DGKH: variants seen among roughly 807,000 people sequenced by gnomAD.
DGKH encodes the protein diacylglycerol kinase eta.
Under a neutral mutation model 159.3 loss-of-function variants are expected in DGKH, and 90 were observed. The observed-to-expected ratio is 0.57, with a 90% confidence interval of 0.48 to 0.67. The LOEUF (loss-of-function observed/expected upper bound fraction) is 0.67, where lower values mean the gene tolerates loss of function less well. DGKH is among the 30% of genes least tolerant of loss of function. The probability of loss-of-function intolerance (pLI) is 0.00; values close to 1 mark genes in which losing one functional copy is unlikely to be tolerated. For missense variants in DGKH, 1,181 were observed against 1,506.1 expected (o/e 0.78, Z 3.57); for synonymous variants, 536 against 553.8 (o/e 0.97, Z 0.45).
intron 16 of DGKH, 37 bp downstream of exon 16, chr13:42,190,562 T>G: frequency 6.4e-7 from 1 of 1,553,558 alleles, no homozygotes; most frequent in Non-Finnish European, 8.7e-7. Context: ...TGGAATTAAA[T>G]AAAATGTCAT....
At chr13:42,210,895 C>T in intron 24 of DGKH, 130 bp downstream of exon 24, 2 of 745,214 alleles carry the variant, frequency 2.7e-6, no homozygotes, top group South Asian at 2.0e-5. Context: ...TCACACAGCA[C>T]TCTTTCCATT....
chr13:42,255,556 T>C (rs1958651376), intron 30 of DGKH, among the ~76,000 whole-genome samples: 1 of 152,152 alleles, frequency 6.6e-6, no homozygotes. Context: ...GCAGAAAAAT[T>C]TGGGCAATGT....
intron 1 of DGKH, among the ~76,000 whole-genome samples, chr13:42,110,183 G>A (rs939448393): frequency 2.0e-5 from 3 of 152,158 alleles, no homozygotes; most frequent in Non-Finnish European, 2.9e-5. Context: ...GTATGTGGTA[G>A]ATGTGAGATT....
At chr13:42,129,450 T>C (rs1307147281) in intron 2 of DGKH, 102 bp from the exon 3 acceptor site, 14 of 970,826 alleles carry the variant, frequency 1.4e-5, no homozygotes, top group African/African-American at 3.3e-5. Context: ...TTAACTTTTT[T>C]CCCCCATTTT....
intron 29 of DGKH, among the ~76,000 whole-genome samples, chr13:42,248,632 G>T (rs1271208146): frequency 1.4e-5 from 2 of 146,094 alleles, no homozygotes; most frequent in Admixed American, 6.9e-5. Flanking sequence ...TATATTATTT[G>T]TAATATATAA....
intron 30 of DGKH, among the ~76,000 whole-genome samples, chr13:42,253,144 A>T (rs1181642113): frequency 6.6e-6 from 1 of 152,206 alleles, no homozygotes; most frequent in Non-Finnish European, 1.5e-5. Flanking sequence ...CTTTATGCTG[A>T]GTGCTATAGT....
chr13:42,172,587 T>G lies in DGKH; in HGVS notation c.1368-1473T>G, dbSNP rs554294648. Among the ~76,000 whole-genome samples, 3 of 152,352 alleles carry G rather than the reference T, an allele frequency of 2.0e-5. No homozygotes were observed. The South Asian group carries it at 6.2e-4, about 32-fold the overall frequency. ...GGGATTTTCCTCTGGGTTCTATCAG[T>G]AGCTTCAGCTGTGTTATGCTTTTCT... is the stretch of plus-strand genomic sequence containing the variant. On this transcript the variant is annotated intron_variant, in intron 11 of 29. Coordinates refer to ENST00000337343, the MANE Select transcript of DGKH (RefSeq NM_178009.5).
chr13:42,144,330 T>C (rs1350815394), intron 3 of DGKH, among the ~76,000 whole-genome samples: 1 of 152,048 alleles, frequency 6.6e-6, no homozygotes, highest in Non-Finnish European at 1.5e-5. Flanking sequence ...CCAAGCCTGG[T>C]GAAGTCCTGA....
chr13:42,078,656 A>G (rs1051431586), intron 1 of DGKH, among the ~76,000 whole-genome samples: 1 of 152,100 alleles, frequency 6.6e-6, no homozygotes, highest in Admixed American at 6.5e-5. Context: ...AACAGATAAT[A>G]CCAAACTGAA....
At chr13:42,173,429 T>C (rs1446656739) in intron 11 of DGKH, among the ~76,000 whole-genome samples, 1 of 152,262 alleles carries the variant, frequency 6.6e-6, no homozygotes, top group Non-Finnish European at 1.5e-5. Context: ...TTAATACTTG[T>C]AGCTAATTGA....
At chr13:42,076,969 T>C (rs1334143521) in intron 1 of DGKH, among the ~76,000 whole-genome samples, 7 of 152,204 alleles carry the variant, frequency 4.6e-5, no homozygotes, top group Non-Finnish European at 8.8e-5. Flanking sequence ...AGTTCATAGC[T>C]GAGATTTTTA....
At chr13:42,095,414 C>T (rs1010094375) in intron 1 of DGKH, among the ~76,000 whole-genome samples, 2 of 152,128 alleles carry the variant, frequency 1.3e-5, no homozygotes, top group African/African-American at 2.4e-5. Context: ...CCCCCTGCCT[C>T]AGCCTCTCCA....
intron 3 of DGKH, among the ~76,000 whole-genome samples, chr13:42,149,938 A>T (rs1955833708): frequency 6.6e-6 from 1 of 152,184 alleles, no homozygotes; most frequent in South Asian, 2.1e-4. Flanking sequence ...AACTACATAG[A>T]ATTATGCTGC....
chr13:42,222,999 T>G (rs931872410), intron 29 of DGKH, among the ~76,000 whole-genome samples: 1 of 152,226 alleles, frequency 6.6e-6, no homozygotes, highest in Non-Finnish European at 1.5e-5. Flanking sequence ...GGGACTTTTT[T>G]GTTCTGTTTT....
At chr13:42,161,662 C>G (rs1205438692) in intron 7 of DGKH, among the ~76,000 whole-genome samples, 2 of 152,004 alleles carry the variant, frequency 1.3e-5, no homozygotes, top group Admixed American at 6.6e-5. Context: ...CGCCTGTAAT[C>G]CCAGCTACTC....
Position 42,159,264 on chromosome 13 carries a change from A to AAATTAAAG in DGKH, c.623-2_623-1insAATTAAAG. ...TTGCTCTTTTTTTTTTTTTTTTTTT[A>AAATTAAAG]GTGTGTAAATTCAAGGCTCACAAAA... On this transcript the variant is annotated splice_acceptor_variant, in intron 5 of 29. Coordinates refer to ENST00000337343, the MANE Select transcript of DGKH (RefSeq NM_178009.5). LOFTEE classifies it high-confidence loss of function. 2.0e-5 allele frequency: 2 copies of AAATTAAAG among 99,098 alleles called. No homozygotes were observed. The highest frequency in any genetic ancestry group is 1.6e-5 in the Non-Finnish European group (1 of 62,600). The allele number at this position is 99,098 out of a possible 1,614,324, so 6.1% of individuals were successfully genotyped here. A position where few individuals can be genotyped will look rare whatever the true frequency, so the allele number is the denominator to read the frequency against.
intron 1 of DGKH, among the ~76,000 whole-genome samples, chr13:42,051,512 T>G (rs1416341805): frequency 6.6e-6 from 1 of 152,154 alleles, no homozygotes; most frequent in Non-Finnish European, 1.5e-5. Flanking sequence ...TGGTTCCCAG[T>G]CTTCAATTAT....
chr13:42,191,428 C>T (rs1957062151), intron 16 of DGKH, among the ~76,000 whole-genome samples: 1 of 152,108 alleles, frequency 6.6e-6, no homozygotes, highest in Non-Finnish European at 1.5e-5. Flanking sequence ...ATCAATCATA[C>T]CCCAAACCTC....
At chr13:42,206,981 TTCTTTC>T (rs761056638) in intron 21 of DGKH, among the ~76,000 whole-genome samples, 1 of 78,786 alleles carries the variant, frequency 1.3e-5, no homozygotes, top group Non-Finnish European at 3.0e-5. Flanking sequence ...TACTTTTTCT[TTCTTTC>T]TTTCTTTCTT....
Sources: gnomAD v4.1 joint callset for allele counts (sites outside exome capture counted in the v4.1 genomes callset) on GRCh38, gnomAD v4.1.1 for gene constraint, MANE v1.5 for transcripts, NCBI Gene and HGNC (gene_info 2026-07-23, HGNC 2026-07-21) for gene names.